Variants in CORO2B observed in about 807,000 individuals in gnomAD.
CORO2B encodes coronin 2B, also known as coronin-2B.
CORO2B carries 26 observed loss-of-function variants against 58.8 expected under a neutral mutation model. That is an observed-to-expected ratio of 0.44 (90% CI 0.32 to 0.61). The LOEUF is 0.61. Ranked by LOEUF, CORO2B falls within the 20% of genes least tolerant of loss-of-function variation. The pLI, the probability that CORO2B is intolerant of heterozygous loss-of-function variation, is 0.04. For missense variants in CORO2B, 460 were observed against 645.1 expected (o/e 0.71, Z 3.11); for synonymous variants, 242 against 253.8 (o/e 0.95, Z 0.44).
rs113350849 is a variant in CORO2B at position 68,680,593 on chromosome 15, A to C, written c.217-14547A>C. ...ATCATTAATTCAACACAATTTGGTG[A>C]GAGCTTACCATTTGTGTCCAGCACG... On this transcript the variant is annotated intron_variant, in intron 2 of 11. Transcript: ENST00000261861. Among the ~76,000 whole-genome samples the C allele has an allele frequency of 2.2e-3, 335 of 152,312 alleles. 3 individuals carry two copies. Among genetic ancestry groups the C allele is most frequent in the African/African-American group, 7.7e-3 (320 of 41,568 alleles).
At chr15:68,652,881 A>C (rs1302062136) in intron 2 of CORO2B, among the ~76,000 whole-genome samples, 2 of 152,246 alleles carry the variant, frequency 1.3e-5, no homozygotes, top group Non-Finnish European at 2.9e-5. Flanking sequence ...ACAGAGGTTT[A>C]GAGGGAAGCA....
chr15:68,613,539 A>G (rs1170673452), intron 1 of CORO2B, among the ~76,000 whole-genome samples: 1 of 152,348 alleles, frequency 6.6e-6, no homozygotes, highest in East Asian at 1.9e-4. Flanking sequence ...AGGATTGAGA[A>G]CAGATTTGGA....
At chr15:68,679,064 G>A (rs909453885) in intron 2 of CORO2B, among the ~76,000 whole-genome samples, 7 of 152,212 alleles carry the variant, frequency 4.6e-5, no homozygotes, top group South Asian at 2.1e-4. Context: ...CTTCTCACTC[G>A]TGGATGAGTT....
At chr15:68,611,812 C>T (rs188663398) in intron 1 of CORO2B, among the ~76,000 whole-genome samples, 17 of 151,168 alleles carry the variant, frequency 1.1e-4, no homozygotes, top group Non-Finnish European at 2.1e-4. Context: ...TACTCTGTCA[C>T]CCAGGCTGGT....
intron 4 of CORO2B, 144 bp downstream of exon 4, chr15:68,711,025 G>A (rs929040763): frequency 1.3e-5 from 13 of 977,798 alleles, no homozygotes; most frequent in East Asian, 2.9e-5. Flanking sequence ...TCATTCATTC[G>A]CTACACGCAA....
chr15:68,717,532 G>A (rs549075414), intron 8 of CORO2B, among the ~76,000 whole-genome samples: 1 of 152,230 alleles, frequency 6.6e-6, no homozygotes, highest in African/African-American at 2.4e-5. Context: ...GGGTGGAGAG[G>A]AAAGAAGCAG....
At chr15:68,579,351 G>C in intron 1 of CORO2B, 74 bp downstream of exon 1, 1 of 1,218,938 alleles carries the variant, frequency 8.2e-7, no homozygotes, top group Non-Finnish European at 1.0e-6. Context: ...CGGGGGGCGC[G>C]GGGGTGTGGG....
At chr15:68,696,061 C>A (rs1892501387) in intron 3 of CORO2B, among the ~76,000 whole-genome samples, 1 of 142,038 alleles carries the variant, frequency 7.0e-6, no homozygotes, top group Non-Finnish European at 1.5e-5. Context: ...CACAGTGAGA[C>A]CCCCGTCTCT....
chr15:68,716,704 G>C (rs770014058), intron 8 of CORO2B, among the ~76,000 whole-genome samples: 5 of 152,176 alleles, frequency 3.3e-5, no homozygotes, highest in Non-Finnish European at 5.9e-5. Context: ...TGAAAGATGG[G>C]AAGGAGAAAG....
chr15:68,632,410 C>T (rs770201446), intron 1 of CORO2B: 59 of 985,284 alleles, frequency 6.0e-5, no homozygotes, highest in Non-Finnish European at 7.1e-5. Context: ...CCAGACAGGA[C>T]TCTTCATTTG....
intron 3 of CORO2B, among the ~76,000 whole-genome samples, chr15:68,699,403 G>T (rs1288797849): frequency 6.6e-6 from 1 of 152,114 alleles, no homozygotes. Context: ...TGGAGGACAT[G>T]GGGCCTGAAC....
chr15:68,605,657 G>A (rs538779608), intron 1 of CORO2B, among the ~76,000 whole-genome samples: 54 of 151,820 alleles, frequency 3.6e-4, no homozygotes, highest in Admixed American at 1.4e-3. Context: ...GAAAGTGAAG[G>A]GAGAATGGAC....
chr15:68,622,433 C>CT (rs1361329169), intron 1 of CORO2B, among the ~76,000 whole-genome samples: 1 of 152,168 alleles, frequency 6.6e-6, no homozygotes, highest in Non-Finnish European at 1.5e-5. Flanking sequence ...ATAATTCACT[C>CT]TGAGTTGGAA....
chr15:68,687,764 A>G (rs11072040), intron 2 of CORO2B, among the ~76,000 whole-genome samples: 141,122 of 152,344 alleles, frequency 0.93, 65,671 homozygotes, highest in East Asian at 1. Context: ...CCTTCCTGCT[A>G]TGACATCCCA....
intron 2 of CORO2B, among the ~76,000 whole-genome samples, chr15:68,670,245 G>C (rs1902344377): frequency 6.6e-6 from 1 of 152,068 alleles, no homozygotes; most frequent in African/African-American, 2.4e-5. Context: ...CGTGATATTA[G>C]CTCACTGCAA....
At chr15:68,721,299 T>C (rs1272268212) in intron 11 of CORO2B, among the ~76,000 whole-genome samples, 1 of 152,170 alleles carries the variant, frequency 6.6e-6, no homozygotes, top group African/African-American at 2.4e-5. Context: ...TGTATGCCAT[T>C]GTAGAGGGAT....
chr15:68,604,616 A>AT (rs1007962848), intron 1 of CORO2B, among the ~76,000 whole-genome samples: 14 of 146,908 alleles, frequency 9.5e-5, no homozygotes, highest in African/African-American at 3.8e-4. Context: ...ATAAGTTGTG[A>AT]TTTAAAAAAA....
At chr15:68,603,680 C>G (rs1317998) in intron 1 of CORO2B, among the ~76,000 whole-genome samples, 33,664 of 151,940 alleles carry the variant, frequency 0.22, 5,640 homozygotes, top group African/African-American at 0.47. Flanking sequence ...AGCTCACTCT[C>G]TCCGCATCTG....
At chr15:68,679,134 A>G (rs1902686848) in intron 2 of CORO2B, among the ~76,000 whole-genome samples, 1 of 152,230 alleles carries the variant, frequency 6.6e-6, no homozygotes, top group Admixed American at 6.5e-5. Flanking sequence ...GTTGGGATAC[A>G]GTAGTGACTA....
Sources: gnomAD v4.1 joint callset for allele counts (sites outside exome capture counted in the v4.1 genomes callset) on GRCh38, gnomAD v4.1.1 for gene constraint, MANE v1.5 for transcripts, NCBI Gene and HGNC (gene_info 2026-07-23, HGNC 2026-07-21) for gene names.